The following DNAH14 variants were observed in gnomAD, a reference collection of about 807,000 sequenced individuals.
DNAH14 encodes dynein axonemal heavy chain 14, also known as axonemal beta dynein heavy chain 14.
DNAH14 carries 478 observed loss-of-function variants against 520.9 expected under a neutral mutation model. The ratio of observed to expected loss-of-function variants is 0.92; its 90% confidence interval spans 0.85 to 0.99. The LOEUF (loss-of-function observed/expected upper bound fraction) is 0.99. Among genes scored for constraint, DNAH14 ranks in the 50% least tolerant of loss-of-function variants. DNAH14 has a pLI of 0.00. For synonymous variants in DNAH14, 1,581 were observed against 1,757.2 expected (o/e 0.90, Z 2.51); for missense variants, 4,831 against 5,234.5 (o/e 0.92, Z 2.38).
intron 43 of DNAH14, among the ~76,000 whole-genome samples, chr1:225,250,430 C>CTGTA (rs2092491195): frequency 6.6e-6 from 1 of 152,176 alleles, no homozygotes; most frequent in Non-Finnish European, 1.5e-5. Flanking sequence ...TCTGTACAGA[C>CTGTA]TGTAAGCTAA....
At chr1:225,177,676 T>C (rs2083480443) in intron 36 of DNAH14, among the ~76,000 whole-genome samples, 1 of 152,162 alleles carries the variant, frequency 6.6e-6, no homozygotes, top group African/African-American at 2.4e-5. Context: ...CCATGTGATG[T>C]TGAGCCTGCA....
At position 225,153,780 on chromosome 1, in the gene DNAH14, A is replaced by C. The variant is rs745317687; in HGVS notation, c.5227A>C (p.Lys1743Gln). The stretch of plus-strand genomic sequence containing the variant: ...TTATAATTTTGGCTTGAGATCTCTG[A>C]AGATAGTTTTAATAATGGCTGGAAC... ...DHYNFGLRSL[K>Q]IVLIMAGTKK... is the part of the protein sequence containing the mutation. The change falls in exon 34 of 86, where the codon AAG becomes CAG. Residue 1743 changes from lysine to glutamine, a missense_variant. Coordinates refer to ENST00000682510, the MANE Select transcript of DNAH14 (RefSeq NM_001367479.1). 1 of 1,549,782 alleles carries C rather than the reference A, an allele frequency of 6.5e-7. No individual in the cohort carries two copies. The highest frequency in any genetic ancestry group is 1.2e-5 in the South Asian group (1 of 83,692).
chr1:224,967,656 C>T, intron 6 of DNAH14, 73 bp downstream of exon 6: 1 of 1,596,816 alleles, frequency 6.3e-7, no homozygotes, highest in Non-Finnish European at 8.5e-7. Flanking sequence ...AATTTAATTG[C>T]ATACATTTAT....
intron 8 of DNAH14, among the ~76,000 whole-genome samples, chr1:224,982,801 T>C (rs1163410862): frequency 6.6e-6 from 1 of 152,228 alleles, no homozygotes; most frequent in Non-Finnish European, 1.5e-5. Flanking sequence ...TTTATTCCAC[T>C]GTGGTCTGAG....
intron 34 of DNAH14, among the ~76,000 whole-genome samples, chr1:225,155,474 G>C (rs767584720): frequency 6.6e-6 from 1 of 152,080 alleles, no homozygotes; most frequent in African/African-American, 2.4e-5. Context: ...GTAAATAGGC[G>C]TCTGTTGTTA....
intron 66 of DNAH14, among the ~76,000 whole-genome samples, chr1:225,335,075 G>C (rs900832181): frequency 1.4e-5 from 2 of 145,936 alleles, no homozygotes; most frequent in East Asian, 4.0e-4. Flanking sequence ...TATATATAAC[G>C]TACATATGTA....
At chr1:224,936,884 T>C (rs937088393) in intron 1 of DNAH14, among the ~76,000 whole-genome samples, 2 of 151,990 alleles carry the variant, frequency 1.3e-5, no homozygotes, top group African/African-American at 4.8e-5. Flanking sequence ...TCAATTGAGA[T>C]TCTTCCCAGG....
intron 28 of DNAH14, among the ~76,000 whole-genome samples, chr1:225,143,471 G>T (rs2079630439): frequency 6.6e-6 from 1 of 151,646 alleles, no homozygotes; most frequent in Non-Finnish European, 1.5e-5. Flanking sequence ...AATATTCCCT[G>T]TTGTTCCAGA....
At chr1:225,205,829 T>G in intron 39 of DNAH14, 142 bp from the exon 40 acceptor site, 1 of 647,746 alleles carries the variant, frequency 1.5e-6, no homozygotes, top group Admixed American at 2.9e-5. Context: ...AGGGACTACA[T>G]ATAAACACAT....
intron 8 of DNAH14, among the ~76,000 whole-genome samples, chr1:224,993,091 T>A (rs2063165649): frequency 6.6e-6 from 1 of 152,114 alleles, no homozygotes. Context: ...TAATGTGTTG[T>A]TGAATTTGGT....
rs554133100 is a variant in DNAH14, at chr1:225,026,529, A to G, written c.1358+2664A>G. On this transcript the variant is annotated intron_variant, in intron 11 of 85. Transcript: ENST00000682510. ...AAAGAATAACACTATTTCTTTCTCT[A>G]TTGAATTGTCTTGGCACCCTCGTTG... Among the ~76,000 whole-genome samples the G allele has an allele frequency of 1.6e-4, 25 of 152,278 alleles. No individual in the cohort carries two copies. The East Asian group carries it at 2.3e-3, about 14-fold the overall frequency.
chr1:225,311,460 C>G (rs995053751), intron 60 of DNAH14, among the ~76,000 whole-genome samples: 1 of 152,102 alleles, frequency 6.6e-6, no homozygotes, highest in Non-Finnish European at 1.5e-5. Flanking sequence ...TTAATTAGAT[C>G]CCATTTGTCA....
intron 19 of DNAH14, among the ~76,000 whole-genome samples, chr1:225,081,106 A>G (rs887019220): frequency 7.2e-5 from 11 of 152,198 alleles, no homozygotes; most frequent in South Asian, 2.1e-4. Flanking sequence ...CAGTGGGTAA[A>G]CAGCTTAAAG....
chr1:225,255,778 G>T (rs2092710323), intron 44 of DNAH14, among the ~76,000 whole-genome samples: 1 of 151,914 alleles, frequency 6.6e-6, no homozygotes, highest in East Asian at 1.9e-4. Flanking sequence ...CTAGAATAAA[G>T]GTATATATTC....
At chr1:224,979,322 G>C (rs1177889107) in intron 8 of DNAH14, among the ~76,000 whole-genome samples, 1 of 152,178 alleles carries the variant, frequency 6.6e-6, no homozygotes, top group African/African-American at 2.4e-5. Flanking sequence ...TGAGCACTTA[G>C]AGGAGGGAGA....
At chr1:225,220,391 T>C (rs1295980345) in intron 41 of DNAH14, among the ~76,000 whole-genome samples, 1 of 152,186 alleles carries the variant, frequency 6.6e-6, no homozygotes, top group Non-Finnish European at 1.5e-5. Flanking sequence ...AATGACATGA[T>C]TGTACATTTA....
At chr1:225,332,563 C>T (rs979019978) in intron 65 of DNAH14, among the ~76,000 whole-genome samples, 4 of 152,064 alleles carry the variant, frequency 2.6e-5, no homozygotes, top group African/African-American at 4.8e-5. Context: ...ACTCCAAAGG[C>T]GGTGTCAAAT....
intron 31 of DNAH14, among the ~76,000 whole-genome samples, chr1:225,148,494 C>T (rs1025507371): frequency 7.3e-5 from 11 of 149,890 alleles, no homozygotes; most frequent in African/African-American, 1.2e-4. Context: ...CTCCGCCTCC[C>T]GGGTTTAAGC....
chr1:224,987,228 T>G (rs947707090), intron 8 of DNAH14, among the ~76,000 whole-genome samples: 2 of 152,140 alleles, frequency 1.3e-5, no homozygotes, highest in East Asian at 1.9e-4. Context: ...CCTTCTAGTC[T>G]GAGTCCAAAG....
Sources: gnomAD v4.1 joint callset for allele counts (sites outside exome capture counted in the v4.1 genomes callset) on GRCh38, gnomAD v4.1.1 for gene constraint, MANE v1.5 for transcripts, NCBI Gene and HGNC (gene_info 2026-07-23, HGNC 2026-07-21) for gene names.